Variants in FSTL4 observed in about 807,000 individuals in gnomAD.
The protein encoded by FSTL4 is follistatin-related protein 4.
A neutral mutation model predicts 78.2 loss-of-function variants in FSTL4; 28 were observed. That is an observed-to-expected ratio of 0.36 (90% CI 0.27 to 0.49). FSTL4 has a LOEUF of 0.49. FSTL4 is among the 20% of genes least tolerant of loss of function. The pLI, the probability that FSTL4 is intolerant of heterozygous loss-of-function variation, is 0.98. For missense variants in FSTL4, 922 were observed against 1,084.9 expected, an observed-to-expected ratio of 0.85 and a Z score of 2.11; for synonymous variants, 422 against 440.5, an observed-to-expected ratio of 0.96 and a Z score of 0.53.
chr5:133,210,193 G>T lies in FSTL4; in HGVS notation c.1714C>A (p.Gln572Lys), dbSNP rs753954970. 6.4e-7 allele frequency: 1 copy of T among 1,561,082 alleles called. No homozygotes were observed. Residue 572 changes from glutamine (Q) to lysine (K), a missense_variant and splice_region_variant, in exon 14 of 16, where the codon CAG (glutamine) becomes AAG (lysine). Transcript: ENST00000265342. ...GDVHKSRPSL[Q>K]VITEASTGQS... Reference sequence around the variant, plus strand: ...CAGCCTCCATGTGCTCAACATACCTGGAGACTTGGTCGGGACTTGTGCACG... The same window carrying T: ...CAGCCTCCATGTGCTCAACATACCTTGAGACTTGGTCGGGACTTGTGCACG...
chr5:133,423,378 C>T (rs1756739344), intron 3 of FSTL4, among the ~76,000 whole-genome samples: 1 of 152,362 alleles, frequency 6.6e-6, no homozygotes, highest in South Asian at 2.1e-4. Context: ...CCCATCCTCC[C>T]TCTGCCTTGC....
intron 7 of FSTL4, among the ~76,000 whole-genome samples, chr5:133,240,889 G>A (rs1323043531): frequency 1.3e-5 from 2 of 152,172 alleles, no homozygotes; most frequent in Non-Finnish European, 2.9e-5. Context: ...TTGGCTACAG[G>A]GAGGCAATCT....
chr5:133,317,431 C>T (rs1465422015), intron 4 of FSTL4, among the ~76,000 whole-genome samples: 1 of 152,230 alleles, frequency 6.6e-6, no homozygotes, highest in Non-Finnish European at 1.5e-5. Flanking sequence ...GCAGCCCCTC[C>T]AGCCCCACTT....
intron 6 of FSTL4, among the ~76,000 whole-genome samples, chr5:133,254,452 T>A (rs939506849): frequency 2.6e-5 from 4 of 152,216 alleles, no homozygotes; most frequent in African/African-American, 9.6e-5. Context: ...CCATCAGGCC[T>A]GGGCCGTGTG....
the FSTL4 span, among the ~76,000 whole-genome samples, chr5:133,794,350 G>A: frequency 2.0e-5 from 3 of 152,208 alleles, no homozygotes; most frequent in Non-Finnish European, 4.4e-5. Context: ...TCCATCAGGA[G>A]TCAAGTCATG....
In FSTL4 at chr5:133,316,490, T is replaced by C. The variant is rs61741667; in HGVS notation, c.572A>G (p.Asn191Ser). 1,111 of 1,614,154 alleles carry C rather than the reference T, an allele frequency of 6.9e-4. 8 individuals are homozygous for C. The African/African-American group carries it at 0.013, about 19-fold the overall frequency. ...CAGTTCGGAGCTGCTGAGGTGGCCA[T>C]TGCCATCTGCATCTAAGTCCCTGAA... ...SLFRDLDADGNGHLSSSELAQ... is the reference protein window; with the variant it reads ...SLFRDLDADGSGHLSSSELAQ... Residue 191 changes from asparagine to serine, a missense_variant, in exon 5 of 16, where the codon AAT (asparagine) becomes AGT (serine). Asn to Ser is a conservative substitution (Grantham distance 46). Transcript: ENST00000265342.
rs191776183 is a variant in FSTL4, at chr5:133,314,839, T to G, written c.603+1620A>C. Among the ~76,000 whole-genome samples the G allele has an allele frequency of 5.3e-5, 8 of 152,196 alleles. No homozygotes were observed. The East Asian group carries it at 1.4e-3, about 26-fold the overall frequency. On this transcript the variant is annotated intron_variant, in intron 5 of 15. Coordinates refer to ENST00000265342, the MANE Select transcript of FSTL4 (RefSeq NM_015082.2). ...ATAATAATAATAAAAATGATGATGA[T>G]GGCAACAATACTGATGACCTCTCTA...
intron 4 of FSTL4, among the ~76,000 whole-genome samples, chr5:133,395,192 G>C (rs567857148): frequency 6.6e-6 from 1 of 151,916 alleles, no homozygotes; most frequent in African/African-American, 2.4e-5. Context: ...CTTCCACCCC[G>C]TGGAAGCTTT....
At chr5:133,283,445 G>A (rs2126861229) in intron 6 of FSTL4, among the ~76,000 whole-genome samples, 1 of 152,316 alleles carries the variant, frequency 6.6e-6, no homozygotes, top group Admixed American at 6.5e-5. Flanking sequence ...AGCTGGTGAG[G>A]AGTCTATTAC....
At chr5:133,813,134 T>G in the FSTL4 span, among the ~76,000 whole-genome samples, 1 of 150,578 alleles carries the variant, frequency 6.6e-6, no homozygotes, top group Non-Finnish European at 1.5e-5. Flanking sequence ...TCCTGTCCAA[T>G]GGAGGAGAGT....
chr5:133,254,662 G>A (rs1752340488), intron 6 of FSTL4, among the ~76,000 whole-genome samples: 2 of 152,224 alleles, frequency 1.3e-5, no homozygotes. Context: ...GTCATACAGT[G>A]AAGACGGTAA....
chr5:133,746,751 A>G, the FSTL4 span, among the ~76,000 whole-genome samples: 1 of 152,212 alleles, frequency 6.6e-6, no homozygotes, highest in African/African-American at 2.4e-5. Context: ...GCAAAGAGAA[A>G]CTGGAAAGAC....
intron 12 of FSTL4, among the ~76,000 whole-genome samples, chr5:133,218,737 T>G (rs1412168964): frequency 6.6e-6 from 1 of 152,194 alleles, no homozygotes; most frequent in South Asian, 2.1e-4. Context: ...TATCACCTTA[T>G]TGGGAGGTCT....
rs535639297 is a variant in FSTL4, at chr5:133,263,276, G to A, written c.728-13700C>T. Among the ~76,000 whole-genome samples the A allele has an allele frequency of 2.6e-5, 4 of 152,290 alleles. No individual in the cohort carries two copies. The South Asian group carries it at 8.3e-4, about 32-fold the overall frequency. ...GTTTGGGGCTCAGGAGAGTGGCCTA[G>A]GCTAGGTGTGCAACCTTGAAATTTA... On this transcript the variant is annotated intron_variant, in intron 6 of 15. Coordinates refer to ENST00000265342, the MANE Select transcript of FSTL4 (RefSeq NM_015082.2).
Position 133,365,114 on chromosome 5 carries a change from T to C in FSTL4, c.409+35624A>G, listed in dbSNP as rs569346886. 1.5e-3 allele frequency among the ~76,000 whole-genome samples: 226 copies of C among 152,254 alleles called. 1 individual carries two copies. Among genetic ancestry groups the C allele is most frequent in the Middle Eastern group, 0.01 (3 of 294 alleles). Reference sequence around the variant, plus strand: ...AGTCATTTTTCTTTAATGTTGTTTGTGGAACTCTGTAGTAAATTAAGCCAT... The same window carrying C: ...AGTCATTTTTCTTTAATGTTGTTTGCGGAACTCTGTAGTAAATTAAGCCAT... On this transcript the variant is annotated intron_variant, in intron 4 of 15. Coordinates refer to ENST00000265342, the MANE Select transcript of FSTL4 (RefSeq NM_015082.2).
chr5:133,240,015 C>G (rs183872440), intron 7 of FSTL4, among the ~76,000 whole-genome samples: 9 of 152,204 alleles, frequency 5.9e-5, no homozygotes, highest in Admixed American at 4.6e-4. Context: ...CCTTTCCACG[C>G]AGTGGAAGCT....
At chr5:133,499,011 A>C (rs989161698) in intron 3 of FSTL4, among the ~76,000 whole-genome samples, 8 of 151,726 alleles carry the variant, frequency 5.3e-5, no homozygotes, top group African/African-American at 1.9e-4. Context: ...ACACACACAC[A>C]CACACACACA....
chr5:133,434,872 C>G (rs559323951), intron 3 of FSTL4, among the ~76,000 whole-genome samples: 2 of 152,186 alleles, frequency 1.3e-5, no homozygotes, highest in Non-Finnish European at 2.9e-5. Context: ...GGTTCAGAAT[C>G]TAATATTTAA....
chr5:133,797,825 C>A, the FSTL4 span, among the ~76,000 whole-genome samples: 2 of 151,978 alleles, frequency 1.3e-5, no homozygotes, highest in Non-Finnish European at 2.9e-5. Context: ...GCGCTTTGCT[C>A]CCCAAACATG....
Sources: gnomAD v4.1 joint callset for allele counts (sites outside exome capture counted in the v4.1 genomes callset) on GRCh38, gnomAD v4.1.1 for gene constraint, MANE v1.5 for transcripts, NCBI Gene and HGNC (gene_info 2026-07-23, HGNC 2026-07-21) for gene names.